MYPN: variants seen among roughly 807,000 people sequenced by gnomAD.
MYPN encodes sarcomeric protein myopalladin, 145 kDa (MYOP).
A neutral mutation model predicts 129.4 loss-of-function variants in MYPN; 63 were observed. That is an observed-to-expected ratio of 0.49 (90% confidence interval 0.40 to 0.60). The LOEUF is 0.60. Among genes scored for constraint, MYPN ranks in the 20% least tolerant of loss-of-function variants. The probability of loss-of-function intolerance (pLI) is 0.00; values close to 1 mark genes in which losing one functional copy is unlikely to be tolerated. For synonymous variants in MYPN, 629 were observed against 600.9 expected (o/e 1.05, Z -0.68); for missense variants, 1,596 against 1,635.4 (o/e 0.98, Z 0.42).
chr10:68,135,858 C>A (rs1016041048), intron 2 of MYPN, among the ~76,000 whole-genome samples: 1 of 151,746 alleles, frequency 6.6e-6, no homozygotes, highest in African/African-American at 2.4e-5. Context: ...ACAAATAAAC[C>A]TACAAATAAA....
At chr10:68,194,306 T>C (rs781025469) in intron 13 of MYPN, 57 bp from the exon 14 acceptor site, 826 of 1,593,832 alleles carry the variant, frequency 5.2e-4, no homozygotes, top group Non-Finnish European at 6.6e-4. Context: ...AGACCCTAGT[T>C]CATTAACCTC....
intron 16 of MYPN, among the ~76,000 whole-genome samples, chr10:68,198,476 G>C (rs1416351212): frequency 6.6e-6 from 1 of 152,116 alleles, no homozygotes; most frequent in African/African-American, 2.4e-5. Context: ...GGAAGACTTA[G>C]ATGCAAATTA....
chr10:68,138,332 C>A lies in MYPN; in HGVS notation c.903-4608C>A, dbSNP rs2134048992. ...GGTCAGGCTGGTCTTGAACTCCTGA[C>A]TTCAAGTGATCCACCCGCCTCAGCC... On this transcript the variant is annotated intron_variant, in intron 2 of 19. Coordinates refer to ENST00000358913, the MANE Select transcript of MYPN (RefSeq NM_032578.4). Among the ~76,000 whole-genome samples the A allele has an allele frequency of 2.0e-5, 3 of 151,822 alleles. No homozygotes were observed. In the South Asian group the frequency reaches 6.2e-4, roughly 32 times the overall value.
At chr10:68,175,967 T>A (rs2043221854) in intron 12 of MYPN, among the ~76,000 whole-genome samples, 1 of 152,092 alleles carries the variant, frequency 6.6e-6, no homozygotes, top group Admixed American at 6.5e-5. Flanking sequence ...TGTCTCAAAC[T>A]CCTGGGCTCA....
rs1159624382 is a variant in MYPN at position 68,195,506 on chromosome 10, G to A, written c.3132G>A (p.Arg1044=). ...LMVQSLPIRS[R]LTSAGQSHRG... ...TACAAAGTTTGCCCATTCGCAGTCG[G>A]CTAACCTCTGCTGGTCAGTCTCACA... The change falls in exon 15 of 20, where the codon CGG becomes CGA. Residue 1044 remains arginine (R), a synonymous_variant. Transcript: ENST00000358913. 2 of 1,613,850 alleles carry A rather than the reference G, an allele frequency of 1.2e-6. No individual in the cohort carries two copies. The highest frequency in any genetic ancestry group is 1.7e-6 in the Non-Finnish European group (2 of 1,179,934).
At chr10:68,179,043 G>GA (rs1023254703) in intron 12 of MYPN, among the ~76,000 whole-genome samples, 1 of 150,088 alleles carries the variant, frequency 6.7e-6, no homozygotes, top group Non-Finnish European at 1.5e-5. Context: ...CGTGACAGAG[G>GA]AAAAAAAAAT....
intron 8 of MYPN, among the ~76,000 whole-genome samples, chr10:68,163,442 C>T (rs553452233): frequency 7.2e-5 from 11 of 151,728 alleles, no homozygotes; most frequent in East Asian, 3.9e-4. Context: ...CTGGCTAACA[C>T]GGTGAAACCC....
chr10:68,203,169 A>G (rs1402723942), intron 18 of MYPN, among the ~76,000 whole-genome samples: 1 of 152,006 alleles, frequency 6.6e-6, no homozygotes, highest in Non-Finnish European at 1.5e-5. Context: ...GTGGCAGGGG[A>G]GGGAGGAGGA....
chr10:68,199,698 C>CCACAGTGAAGGGGAA, intron 17 of MYPN, 123 bp downstream of exon 17: 2 of 971,394 alleles, frequency 2.1e-6, no homozygotes, highest in Non-Finnish European at 3.2e-6. Context: ...ATTTCCCCTT[C>CCACAGTGAAGGGGAA]ACTGTGGTAG....
chr10:68,132,658 C>T (rs1041794830), intron 2 of MYPN, among the ~76,000 whole-genome samples: 1 of 151,982 alleles, frequency 6.6e-6, no homozygotes, highest in African/African-American at 2.4e-5. Flanking sequence ...GGGTAGATGA[C>T]AAAAATCCCC....
At chr10:68,172,905 T>C (rs2043164173) in intron 10 of MYPN, among the ~76,000 whole-genome samples, 1 of 152,082 alleles carries the variant, frequency 6.6e-6, no homozygotes, top group African/African-American at 2.4e-5. Flanking sequence ...AAACCCTGTC[T>C]CTACTAAAAA....
intron 1 of MYPN, among the ~76,000 whole-genome samples, chr10:68,115,669 T>G (rs938460242): frequency 2.6e-5 from 4 of 152,200 alleles, no homozygotes; most frequent in Non-Finnish European, 4.4e-5. Flanking sequence ...TTCAAAACCA[T>G]GCCATCTGCT....
Position 68,166,677 on chromosome 10 carries a change from A to G in MYPN, c.1973+11A>G, listed in dbSNP as rs763753325. The G allele has an allele frequency of 1.1e-5, 18 of 1,613,894 alleles. No homozygotes were observed. The highest frequency in any genetic ancestry group is 1.4e-5 in the Non-Finnish European group (17 of 1,180,004). ...GGCCAAACCCAAACTGTAAGTAAAA[A>G]GTAGGATGAATAACCAGGAGCTTCT... On this transcript the variant is annotated intron_variant, in intron 10 of 19. Transcript: ENST00000358913.
At chr10:68,148,274 C>T in intron 4 of MYPN, 79 bp from the exon 5 acceptor site, 1 of 1,122,022 alleles carries the variant, frequency 8.9e-7, no homozygotes, top group Non-Finnish European at 1.3e-6. Flanking sequence ...AGCAGTGATG[C>T]CATTACTAGT....
chr10:68,129,324 C>G (rs545247221), intron 2 of MYPN, among the ~76,000 whole-genome samples: 1 of 152,240 alleles, frequency 6.6e-6, no homozygotes, highest in South Asian at 2.1e-4. Flanking sequence ...ATATTAGTAA[C>G]TTTTACATGT....
chr10:68,206,824 A>G lies in MYPN; in HGVS notation c.3714A>G (p.Lys1238=). 6.2e-7 allele frequency: 1 copy of G among 1,614,208 alleles called. No individual in the cohort carries two copies. Reference sequence around the variant, plus strand: ...GCCTTCTCATTCAGCCAGCCAAGAAATCAGACGCTGGATGGTACACGTTGT... The same window carrying G: ...GCCTTCTCATTCAGCCAGCCAAGAAGTCAGACGCTGGATGGTACACGTTGT... ...YACLLIQPAK[K]SDAGWYTLSA... Residue 1238 remains lysine (K), a synonymous_variant, in exon 19 of 20, where the codon AAA becomes AAG. Coordinates refer to ENST00000358913, the MANE Select transcript of MYPN (RefSeq NM_032578.4).
At chr10:68,119,707 C>T in intron 1 of MYPN, among the ~76,000 whole-genome samples, 1 of 152,230 alleles carries the variant, frequency 6.6e-6, no homozygotes, top group East Asian at 1.9e-4. Flanking sequence ...CCGCTGTGCC[C>T]TGTCACCTTT....
At chr10:68,197,919 G>A (rs568513518) in intron 16 of MYPN, among the ~76,000 whole-genome samples, 22 of 152,136 alleles carry the variant, frequency 1.4e-4, no homozygotes, top group African/African-American at 5.1e-4. Context: ...GTGTGAACGC[G>A]GTGGGCAAAT....
chr10:68,196,483 C>T (rs75853769), intron 15 of MYPN, among the ~76,000 whole-genome samples: 26 of 112,490 alleles, frequency 2.3e-4, no homozygotes, highest in South Asian at 9.2e-4. Flanking sequence ...CCTTCTTCTT[C>T]TTTTTTTTTT....
Sources: allele counts gnomAD v4.1 joint callset (sites outside exome capture counted in the v4.1 genomes callset), GRCh38; gene constraint gnomAD v4.1.1; transcripts MANE v1.5; gene names NCBI Gene and HGNC (gene_info 2026-07-23, HGNC 2026-07-21).